ADAMTS3: variants seen among roughly 807,000 people sequenced by gnomAD.
ADAMTS3 encodes A disintegrin and metalloproteinase with thrombospondin motifs 3.
A neutral mutation model predicts 129.0 loss-of-function variants in ADAMTS3; 73 were observed. The ratio of observed to expected loss-of-function variants is 0.57; its 90% CI spans 0.47 to 0.69. ADAMTS3 has a LOEUF of 0.69. Among genes scored for constraint, ADAMTS3 ranks in the 30% least tolerant of loss-of-function variants. The pLI, the probability that ADAMTS3 is intolerant of heterozygous loss-of-function variation, is 0.00. For missense variants in ADAMTS3, 1,457 were observed against 1,514.5 expected, an observed-to-expected ratio of 0.96 and a Z score of 0.63; for synonymous variants, 477 against 510.8, an observed-to-expected ratio of 0.93 and a Z score of 0.89.
intron 3 of ADAMTS3, among the ~76,000 whole-genome samples, chr4:72,534,602 T>G (rs1331865556): frequency 1.3e-5 from 2 of 152,298 alleles, no homozygotes; most frequent in East Asian, 3.9e-4. Flanking sequence ...TGTTTTTATT[T>G]TATTAAAAAG....
chr4:72,355,367 G>A lies in ADAMTS3; in HGVS notation c.662-15674C>T, dbSNP rs111731152. On this transcript the variant is annotated intron_variant, in intron 4 of 21. Transcript: ENST00000286657. ...CCTCAAAACAATGTGGGGGTGGAGG[G>A]TGCTCAAAGGTAAATTCATGTATTA... is the stretch of plus-strand genomic sequence containing the variant. Among the ~76,000 whole-genome samples, 401 of 151,948 alleles carry A rather than the reference G, an allele frequency of 2.6e-3. 3 individuals carry two copies. The highest frequency in any genetic ancestry group is 5.8e-3 in the African/African-American group (239 of 41,480).
chr4:72,566,316 G>C (rs1253052546), intron 2 of ADAMTS3, among the ~76,000 whole-genome samples: 1 of 152,192 alleles, frequency 6.6e-6, no homozygotes, highest in Non-Finnish European at 1.5e-5. Flanking sequence ...AATCTCCACT[G>C]TGTACTATAA....
At chr4:72,499,634 C>T (rs573718576) in intron 3 of ADAMTS3, among the ~76,000 whole-genome samples, 38 of 152,064 alleles carry the variant, frequency 2.5e-4, no homozygotes, top group Non-Finnish European at 4.7e-4. Context: ...ATAATTTCAA[C>T]TTTTATTTTA....
At chr4:72,380,772 A>C (rs1160896461) in intron 4 of ADAMTS3, among the ~76,000 whole-genome samples, 1 of 152,170 alleles carries the variant, frequency 6.6e-6, no homozygotes, top group Non-Finnish European at 1.5e-5. Context: ...GTCATCTCAG[A>C]GATTTATATA....
At chr4:72,390,893 TAA>T (rs33953807) in intron 4 of ADAMTS3, among the ~76,000 whole-genome samples, 34,999 of 145,338 alleles carry the variant, frequency 0.24, 4,709 homozygotes, top group Non-Finnish European at 0.32. Flanking sequence ...TAGAAAAAAT[TAA>T]AAAAAAAAAA....
chr4:72,460,295 C>G (rs1718732004), intron 3 of ADAMTS3, among the ~76,000 whole-genome samples: 1 of 151,206 alleles, frequency 6.6e-6, no homozygotes, highest in African/African-American at 2.4e-5. Flanking sequence ...AAGAAAGAAA[C>G]AATAATTATG....
chr4:72,513,066 C>T (rs1476890895), intron 3 of ADAMTS3, among the ~76,000 whole-genome samples: 3 of 152,176 alleles, frequency 2.0e-5, no homozygotes, highest in Non-Finnish European at 4.4e-5. Flanking sequence ...TTTAAAAGTT[C>T]CATGTCTTCC....
chr4:72,430,790 G>C (rs947769255), intron 3 of ADAMTS3, among the ~76,000 whole-genome samples: 4 of 149,192 alleles, frequency 2.7e-5, no homozygotes, highest in Non-Finnish European at 5.9e-5. Flanking sequence ...TTAAGAAAGG[G>C]AAAGTCTGGT....
intron 4 of ADAMTS3, among the ~76,000 whole-genome samples, chr4:72,383,102 CT>C (rs775168774): frequency 0.01 from 1,489 of 146,158 alleles, 22 homozygotes; most frequent in African/African-American, 0.03. Flanking sequence ...AGAAGGAATG[CT>C]TTTTTTTTTT....
At chr4:72,401,578 A>AAG (rs1286605012) in intron 4 of ADAMTS3, among the ~76,000 whole-genome samples, 2 of 143,184 alleles carry the variant, frequency 1.4e-5, no homozygotes, top group Non-Finnish European at 3.1e-5. Context: ...AAAAAAAAAA[A>AAG]AAAAAAAAAA....
intron 4 of ADAMTS3, among the ~76,000 whole-genome samples, chr4:72,362,840 A>T (rs1426004597): frequency 1.3e-5 from 2 of 152,150 alleles, no homozygotes. Flanking sequence ...TAACTCAGGA[A>T]ATTCAAATAA....
At chr4:72,345,391 C>A (rs908532747) in intron 4 of ADAMTS3, among the ~76,000 whole-genome samples, 1 of 152,160 alleles carries the variant, frequency 6.6e-6, no homozygotes, top group Non-Finnish European at 1.5e-5. Flanking sequence ...CTGTTTGTAT[C>A]ATCCAATAGT....
chr4:72,384,700 C>T (rs540462088), intron 4 of ADAMTS3, among the ~76,000 whole-genome samples: 2 of 151,926 alleles, frequency 1.3e-5, no homozygotes, highest in Non-Finnish European at 2.9e-5. Flanking sequence ...GAAAATGATA[C>T]CAGATAAAAT....
chr4:72,535,307 C>T lies in ADAMTS3; in HGVS notation c.504+13171G>A, dbSNP rs763177027. 2.0e-5 allele frequency among the ~76,000 whole-genome samples: 3 copies of T among 152,130 alleles called. No homozygotes were observed. The East Asian group carries it at 5.8e-4, about 29-fold the overall frequency. Reference sequence around the variant, plus strand: ...TGATAATGCTAAATGAAATGTTTCCCATTGTGTTTGGGTTGCTAACATTTG... The same window carrying T: ...TGATAATGCTAAATGAAATGTTTCCTATTGTGTTTGGGTTGCTAACATTTG... On this transcript the variant is annotated intron_variant, in intron 3 of 21. Transcript: ENST00000286657.
chr4:72,335,190 G>A (rs1560476998), intron 5 of ADAMTS3, among the ~76,000 whole-genome samples: 2 of 152,136 alleles, frequency 1.3e-5, no homozygotes, highest in Admixed American at 1.3e-4. Flanking sequence ...AAGACTTAAT[G>A]TTAACAGTGA....
chr4:72,556,070 A>C (rs1243284035), intron 2 of ADAMTS3, among the ~76,000 whole-genome samples: 1 of 151,796 alleles, frequency 6.6e-6, no homozygotes, highest in Non-Finnish European at 1.5e-5. Context: ...TTACTTTTGC[A>C]CCAACCTAAG....
intron 14 of ADAMTS3, 21 bp from the exon 15 acceptor site, chr4:72,309,541 A>T: frequency 6.2e-7 from 1 of 1,609,910 alleles, no homozygotes; most frequent in Non-Finnish European, 8.5e-7. Flanking sequence ...AAGATGTCAA[A>T]TGTGGCTAAT....
chr4:72,529,629 A>C, intron 3 of ADAMTS3, among the ~76,000 whole-genome samples: 1 of 134,264 alleles, frequency 7.4e-6, no homozygotes, highest in East Asian at 2.0e-4. Flanking sequence ...TAATATATAT[A>C]ATATTATATA....
At position 72,568,962 on chromosome 4, in the gene ADAMTS3, T is replaced by C. The variant is rs1319690937; in HGVS notation, c.-200A>G. On this transcript the variant is annotated 5_prime_UTR_variant, in exon 1 of 22. Transcript: ENST00000286657. ...CTGGCCCCCTCTGCTCTGCAGTTTTTTCCACTTCACCTTCTCACCCCGTCC... is the reference window on the plus strand; with the variant it reads ...CTGGCCCCCTCTGCTCTGCAGTTTTCTCCACTTCACCTTCTCACCCCGTCC... The C allele has an allele frequency of 2.1e-5, 13 of 606,442 alleles. No individual in the cohort carries two copies. In the East Asian group the frequency reaches 3.7e-4, roughly 17 times the overall value. 37.6% of individuals were successfully genotyped at this position (606,442 alleles called of 1,614,324 possible).
Sources: gnomAD v4.1 joint callset for allele counts (sites outside exome capture counted in the v4.1 genomes callset) on GRCh38, gnomAD v4.1.1 for gene constraint, MANE v1.5 for transcripts, NCBI Gene and HGNC (gene_info 2026-07-23, HGNC 2026-07-21) for gene names.